MAP2K4: variants seen among roughly 807,000 people sequenced by gnomAD.
The protein encoded by MAP2K4 is dual specificity mitogen-activated protein kinase kinase 4.
MAP2K4 carries 4 observed loss-of-function variants against 48.5 expected under a neutral mutation model. That is an observed-to-expected ratio of 0.08 (90% CI 0.04 to 0.19). The LOEUF (loss-of-function observed/expected upper bound fraction) is 0.19. Ranked by LOEUF, MAP2K4 falls within the 10% of genes least tolerant of loss-of-function variation. The pLI, the probability that MAP2K4 is intolerant of heterozygous loss-of-function variation, is 1.00. For synonymous variants in MAP2K4, 166 were observed against 173.1 expected, an observed-to-expected ratio of 0.96 and a Z score of 0.32; for missense variants, 258 against 493.3, an observed-to-expected ratio of 0.52 and a Z score of 4.52.
At chr17:12,067,423 G>T (rs1468642980) in intron 2 of MAP2K4, among the ~76,000 whole-genome samples, 2 of 152,016 alleles carry the variant, frequency 1.3e-5, no homozygotes, top group African/African-American at 4.8e-5. Flanking sequence ...GGAGGCCGTC[G>T]TCCTGTGCGT....
At chr17:12,090,126 T>C (rs1332987890) in intron 3 of MAP2K4, among the ~76,000 whole-genome samples, 1 of 152,202 alleles carries the variant, frequency 6.6e-6, no homozygotes, top group Non-Finnish European at 1.5e-5. Flanking sequence ...CTTGAGTCTT[T>C]TGAGTATATA....
At chr17:12,052,889 G>T (rs1374444412) in intron 1 of MAP2K4, among the ~76,000 whole-genome samples, 1 of 151,860 alleles carries the variant, frequency 6.6e-6, no homozygotes, top group East Asian at 1.9e-4. Context: ...CTGTTTTCTG[G>T]GCCCCAAATA....
intron 2 of MAP2K4, among the ~76,000 whole-genome samples, chr17:12,060,851 G>A (rs925036080): frequency 2.6e-5 from 4 of 151,886 alleles, no homozygotes; most frequent in East Asian, 1.9e-4. Context: ...ACCATTTTAA[G>A]TATACAGTTC....
intron 9 of MAP2K4, among the ~76,000 whole-genome samples, chr17:12,136,995 T>TA (rs1176396938): frequency 6.6e-6 from 1 of 152,180 alleles, no homozygotes; most frequent in Non-Finnish European, 1.5e-5. Flanking sequence ...AGGCTTTAGA[T>TA]ACTGGTTTTG....
At chr17:12,092,895 G>A (rs1293304590) in intron 3 of MAP2K4, among the ~76,000 whole-genome samples, 4 of 152,068 alleles carry the variant, frequency 2.6e-5, no homozygotes, top group Non-Finnish European at 2.9e-5. Context: ...GAGTGGTGGC[G>A]GGCGCCTGTA....
intron 1 of MAP2K4, among the ~76,000 whole-genome samples, chr17:12,022,729 G>A (rs1325068168): frequency 1.3e-5 from 2 of 152,198 alleles, no homozygotes; most frequent in Non-Finnish European, 2.9e-5. Flanking sequence ...TGAAGATGGG[G>A]GAGGGAAGGC....
At chr17:12,085,550 C>A (rs1402194036) in intron 3 of MAP2K4, among the ~76,000 whole-genome samples, 3 of 152,030 alleles carry the variant, frequency 2.0e-5, no homozygotes, top group African/African-American at 7.2e-5. Context: ...CCTAACTTGT[C>A]TTGTTCTTTT....
chr17:12,098,064 A>G (rs1971817719), intron 4 of MAP2K4, among the ~76,000 whole-genome samples: 1 of 152,220 alleles, frequency 6.6e-6, no homozygotes, highest in African/African-American at 2.4e-5. Context: ...TTTTACAATA[A>G]AAATATAGTT....
At chr17:12,032,171 T>C in intron 1 of MAP2K4, 1 of 528,398 alleles carries the variant, frequency 1.9e-6, no homozygotes, top group East Asian at 3.1e-5. Flanking sequence ...GAATTAGTTT[T>C]ATTCAAAATT....
chr17:12,032,815 T>C (rs1969480584), intron 1 of MAP2K4, among the ~76,000 whole-genome samples: 1 of 152,180 alleles, frequency 6.6e-6, no homozygotes, highest in Non-Finnish European at 1.5e-5. Flanking sequence ...AAACAGACTT[T>C]CTATATCAAA....
intron 1 of MAP2K4, chr17:12,032,415 G>A: frequency 2.4e-6 from 1 of 418,250 alleles, no homozygotes; most frequent in Non-Finnish European, 4.1e-6. Context: ...CATTCAAAGA[G>A]CTACCATTTT....
At chr17:12,122,758 A>G (rs1277189089) in intron 7 of MAP2K4, among the ~76,000 whole-genome samples, 3 of 152,196 alleles carry the variant, frequency 2.0e-5, no homozygotes, top group Non-Finnish European at 4.4e-5. Context: ...AGTAAGTATA[A>G]TGTTAACTCT....
chr17:12,051,349 A>G (rs1597414176), intron 1 of MAP2K4, among the ~76,000 whole-genome samples: 1 of 152,210 alleles, frequency 6.6e-6, no homozygotes, highest in East Asian at 1.9e-4. Flanking sequence ...GAGGCTGTCC[A>G]TGTCAACTTT....
intron 1 of MAP2K4, among the ~76,000 whole-genome samples, chr17:12,050,808 C>T (rs1202053512): frequency 1.3e-5 from 2 of 152,178 alleles, no homozygotes; most frequent in Non-Finnish European, 2.9e-5. Context: ...TTCTGTGAGT[C>T]AGTGAGTTGC....
chr17:12,114,954 A>G (rs1034455185), intron 7 of MAP2K4, among the ~76,000 whole-genome samples: 4 of 152,234 alleles, frequency 2.6e-5, no homozygotes, highest in East Asian at 1.9e-4. Flanking sequence ...TTACTGGACC[A>G]GATGAAATTC....
At chr17:12,071,319 A>G (rs1970801074) in intron 2 of MAP2K4, among the ~76,000 whole-genome samples, 2 of 152,164 alleles carry the variant, frequency 1.3e-5, no homozygotes, top group Admixed American at 1.3e-4. Flanking sequence ...ATCACATTGT[A>G]TATTAAGGAT....
chr17:12,137,648 G>A (rs1372589755), intron 9 of MAP2K4, among the ~76,000 whole-genome samples: 1 of 152,024 alleles, frequency 6.6e-6, no homozygotes, highest in East Asian at 1.9e-4. Flanking sequence ...TGCATGTAAT[G>A]GAAATAAAGA....
chr17:12,074,885 C>CT (rs765590768), intron 2 of MAP2K4, among the ~76,000 whole-genome samples: 1 of 152,204 alleles, frequency 6.6e-6, no homozygotes, highest in African/African-American at 2.4e-5. Context: ...CTTTCAGTGT[C>CT]TGCTGCCCTT....
Position 12,029,077 on chromosome 17 carries a change from C to T in MAP2K4, c.115+8076C>T, listed in dbSNP as rs527527600. ...TTTGTTTTTATAAACACTTACACAT[C>T]CTAAACAGCCGCTTACCTCACTGTA... On this transcript the variant is annotated intron_variant, in intron 1 of 10. Transcript: ENST00000353533. Among the ~76,000 whole-genome samples the T allele has an allele frequency of 2.0e-5, 3 of 152,182 alleles. No homozygotes were observed. In the East Asian group the frequency reaches 5.8e-4, roughly 29 times the overall value.
Sources: gnomAD v4.1 joint callset for allele counts (sites outside exome capture counted in the v4.1 genomes callset) on GRCh38, gnomAD v4.1.1 for gene constraint, MANE v1.5 for transcripts, NCBI Gene and HGNC (gene_info 2026-07-23, HGNC 2026-07-21) for gene names.